Variants in CDYL observed in about 807,000 individuals in gnomAD.
CDYL encodes the protein chromodomain Y like, also known as chromodomain Y-like protein.
CDYL carries 8 observed loss-of-function variants against 47.3 expected under a neutral mutation model. The ratio of observed to expected loss-of-function variants is 0.17; its 90% confidence interval spans 0.10 to 0.31. CDYL has a LOEUF of 0.31. Ranked by LOEUF, CDYL falls within the 10% of genes least tolerant of loss-of-function variation. CDYL has a pLI of 1.00. For synonymous variants in CDYL, 266 were observed against 265.0 expected, an observed-to-expected ratio of 1.00 and a Z score of -0.04; for missense variants, 471 against 701.4, an observed-to-expected ratio of 0.67 and a Z score of 3.71.
chr6:4,866,033 C>A (rs1268253258), intron 1 of CDYL, among the ~76,000 whole-genome samples: 2 of 152,186 alleles, frequency 1.3e-5, no homozygotes, highest in Non-Finnish European at 2.9e-5. Context: ...TTAGTATCAA[C>A]AAAAAACACA....
chr6:4,924,660 C>T (rs1221507881), intron 2 of CDYL, among the ~76,000 whole-genome samples: 6 of 152,098 alleles, frequency 3.9e-5, no homozygotes, highest in Admixed American at 3.9e-4. Context: ...AGGGCCAGGT[C>T]TAAAACATGG....
chr6:4,835,899 C>G (rs908736808), intron 1 of CDYL, among the ~76,000 whole-genome samples: 1 of 152,196 alleles, frequency 6.6e-6, no homozygotes, highest in African/African-American at 2.4e-5. Context: ...GGGATATAAT[C>G]TCCTGGTGCG....
At chr6:4,820,535 G>T (rs1046174448) in intron 1 of CDYL, among the ~76,000 whole-genome samples, 24 of 152,134 alleles carry the variant, frequency 1.6e-4, no homozygotes, top group African/African-American at 5.6e-4. Context: ...TTGGCTCTTG[G>T]ACCTTCGGGA....
chr6:4,917,937 T>G (rs1242994485), intron 2 of CDYL, among the ~76,000 whole-genome samples: 1 of 152,202 alleles, frequency 6.6e-6, no homozygotes, highest in Non-Finnish European at 1.5e-5. Flanking sequence ...AACTATAGGT[T>G]GTGAGCTAAT....
rs528622253 is a variant in CDYL at position 4,716,014 on chromosome 6, C to T, written c.103+133C>T. On this transcript the variant is annotated intron_variant, in intron 2 of 8. Transcript: ENST00000328908. Reference sequence around the variant, plus strand: ...CTATAATCCCAGCACTTTGGGAGGCCGAGGCGGGCGGATCATGAGGTCAGG... The same window carrying T: ...CTATAATCCCAGCACTTTGGGAGGCTGAGGCGGGCGGATCATGAGGTCAGG... 2.8e-5 allele frequency: 37 copies of T among 1,333,252 alleles called. No homozygotes were observed. The South Asian group carries it at 3.2e-4, about 12-fold the overall frequency. 82.6% of individuals were successfully genotyped at this position (1,333,252 alleles called of 1,614,324 possible). A position where few individuals can be genotyped will look rare whatever the true frequency, so the allele number is the denominator to read the frequency against.
chr6:4,785,409 A>C (rs62386570), intron 1 of CDYL, among the ~76,000 whole-genome samples: 1 of 152,072 alleles, frequency 6.6e-6, no homozygotes, highest in African/African-American at 2.4e-5. Flanking sequence ...GCTCTCTGCT[A>C]TGTGAAGTTT....
intron 1 of CDYL, among the ~76,000 whole-genome samples, chr6:4,870,004 A>G (rs796693891): frequency 7.2e-5 from 11 of 151,788 alleles, no homozygotes; most frequent in African/African-American, 2.7e-4. Flanking sequence ...AGAGATTTTC[A>G]TTTATTTGGG....
In CDYL at chr6:4,926,932, G is replaced by A. The variant is rs535745978; in HGVS notation, c.692-8583G>A. Among the ~76,000 whole-genome samples the A allele has an allele frequency of 3.4e-4, 52 of 152,274 alleles. No homozygotes were observed. In the South Asian group the frequency reaches 3.7e-3, roughly 11 times the overall value. On this transcript the variant is annotated intron_variant, in intron 2 of 6. Transcript: ENST00000397588. Reference sequence around the variant, plus strand: ...AGGTGTGCTGCAGGGATTTGAATCCGATTTTATGCTTAGGAGCTCAGCATG... The same window carrying A: ...AGGTGTGCTGCAGGGATTTGAATCCAATTTTATGCTTAGGAGCTCAGCATG...
intron 2 of CDYL, among the ~76,000 whole-genome samples, chr6:4,729,917 C>CA (rs889031396): frequency 1.3e-4 from 19 of 149,020 alleles, no homozygotes; most frequent in Non-Finnish European, 2.1e-4. Context: ...GACTGTGTCT[C>CA]AAAAAAAAAG....
chr6:4,751,030 A>AT (rs1254601946), intron 3 of CDYL, among the ~76,000 whole-genome samples: 19 of 151,352 alleles, frequency 1.3e-4, no homozygotes, highest in African/African-American at 4.4e-4. Flanking sequence ...TTTTTTGTAT[A>AT]TTTTTTAGTA....
At position 4,937,956 on chromosome 6, in the gene CDYL, G is replaced by A. The variant is rs11965138; in HGVS notation, c.1121+219G>A. On this transcript the variant is annotated intron_variant, in intron 4 of 6. Transcript: ENST00000397588. ...AAAATCTTTTCTATGGGCCTGCCAT[G>A]AATTACTACTTGCCTTGGGCAGATA... Among the ~76,000 whole-genome samples, 420 of 152,288 alleles carry A rather than the reference G, an allele frequency of 2.8e-3. 2 individuals are homozygous for A. The highest frequency in any genetic ancestry group is 7.5e-3 in the African/African-American group (310 of 41,566).
chr6:4,834,563 C>G (rs1254130512), intron 1 of CDYL, among the ~76,000 whole-genome samples: 3 of 149,584 alleles, frequency 2.0e-5, no homozygotes, highest in Non-Finnish European at 4.4e-5. Flanking sequence ...TGGAGTTGCT[C>G]TTCTCGAGGA....
chr6:4,926,613 T>C (rs1292838655), intron 2 of CDYL, among the ~76,000 whole-genome samples: 4 of 152,232 alleles, frequency 2.6e-5, no homozygotes, highest in East Asian at 1.9e-4. Context: ...GGATTTTGGA[T>C]GCTGTAGTGT....
chr6:4,817,620 T>G (rs1759710796), intron 1 of CDYL, among the ~76,000 whole-genome samples: 1 of 152,216 alleles, frequency 6.6e-6, no homozygotes, highest in Non-Finnish European at 1.5e-5. Flanking sequence ...AGTCTGTAAT[T>G]TACATATCTG....
intron 3 of CDYL, among the ~76,000 whole-genome samples, chr6:4,756,659 A>G (rs751750996): frequency 1.8e-4 from 27 of 151,810 alleles, no homozygotes; most frequent in Non-Finnish European, 3.2e-4. Context: ...AGAGGGCAAA[A>G]TGAATTACAA....
At chr6:4,725,363 G>T (rs1167746402) in intron 2 of CDYL, among the ~76,000 whole-genome samples, 4 of 152,240 alleles carry the variant, frequency 2.6e-5, no homozygotes, top group Non-Finnish European at 4.4e-5. Flanking sequence ...GATGGGACTG[G>T]GCGCCGTGGA....
intron 3 of CDYL, among the ~76,000 whole-genome samples, chr6:4,770,509 C>T (rs530636254): frequency 1.3e-5 from 2 of 152,290 alleles, no homozygotes; most frequent in South Asian, 2.1e-4. Context: ...GTTCCTGGAA[C>T]AGGGTAAGTG....
intron 2 of CDYL, among the ~76,000 whole-genome samples, chr6:4,720,907 A>G (rs1289657781): frequency 6.6e-6 from 1 of 152,212 alleles, no homozygotes; most frequent in African/African-American, 2.4e-5. Context: ...ATCATTTAAT[A>G]AACATATTGC....
At chr6:4,778,535 A>G (rs6939607) in intron 1 of CDYL, among the ~76,000 whole-genome samples, 3,412 of 152,286 alleles carry the variant, frequency 0.022, 85 homozygotes, top group South Asian at 0.11. Flanking sequence ...TGCTTGCCAT[A>G]TGGAGGTTTC....
Sources: allele counts gnomAD v4.1 joint callset (sites outside exome capture counted in the v4.1 genomes callset), GRCh38; gene constraint gnomAD v4.1.1; transcripts MANE v1.5; gene names NCBI Gene and HGNC (gene_info 2026-07-23, HGNC 2026-07-21).